Variants in MTX1 observed in about 807,000 individuals in gnomAD.
The protein encoded by MTX1 is metaxin-1.
A neutral mutation model predicts 39.4 loss-of-function variants in MTX1; 20 were observed. The ratio of observed to expected loss-of-function variants is 0.51; its 90% confidence interval spans 0.36 to 0.74. The LOEUF (loss-of-function observed/expected upper bound fraction) is 0.74. Ranked by LOEUF, MTX1 falls within the 30% of genes least tolerant of loss-of-function variation. The pLI, the probability that MTX1 is intolerant of heterozygous loss-of-function variation, is 0.00. For synonymous variants in MTX1, 209 were observed against 198.6 expected (o/e 1.05, Z -0.44); for missense variants, 481 against 485.9 (o/e 0.99, Z 0.10).
intron 1 of MTX1, among the ~76,000 whole-genome samples, 155 bp from the exon 2 acceptor site, chr1:155,210,191 A>G (rs1671060228): frequency 6.6e-6 from 1 of 152,238 alleles, no homozygotes; most frequent in Admixed American, 6.5e-5. Context: ...CCATTTGTAA[A>G]ATAGAAATGG....
Position 155,209,173 on chromosome 1 carries a change from G to A in MTX1, c.369G>A (p.Gly123=), listed in dbSNP as rs1468261460. 2 of 1,487,292 alleles carry A rather than the reference G, an allele frequency of 1.3e-6. No individual in the cohort carries two copies. Among genetic ancestry groups the A allele is most frequent in the Non-Finnish European group, 9.0e-7 (1 of 1,116,872 alleles). 92.1% of individuals were successfully genotyped at this position (1,487,292 alleles called of 1,614,324 possible). A position where few individuals can be genotyped will look rare whatever the true frequency, so the allele number is the denominator to read the frequency against. The change falls in exon 1 of 8, where the codon GGG becomes GGA. Residue 123 remains glycine, a synonymous_variant. Transcript: ENST00000368376. ...GCCCCCTGACCGCAACGATCGGAGG[G>A]GCGGTGGCGGGGGGCGGGCCCAGGC... ...SPGPLTATIG[G]AVAGGGPRQG... is the part of the protein sequence containing the mutation.
chr1:155,210,773 A>C, intron 3 of MTX1, 146 bp downstream of exon 3: 1 of 730,208 alleles, frequency 1.4e-6, no homozygotes, highest in South Asian at 1.6e-5. Flanking sequence ...GCAGAGACAC[A>C]CACAATGTCA....
chr1:155,208,726 C>A lies in MTX1; in HGVS notation c.-79C>A. 7.2e-7 allele frequency: 1 copy of A among 1,389,038 alleles called. No individual in the cohort carries two copies. The highest frequency in any genetic ancestry group is 9.4e-7 in the Non-Finnish European group (1 of 1,062,412). 86.0% of individuals were successfully genotyped at this position (1,389,038 alleles called of 1,614,324 possible). On this transcript the variant is annotated 5_prime_UTR_variant, in exon 1 of 8. Coordinates refer to ENST00000368376, the MANE Select transcript of MTX1 (RefSeq NM_002455.5). ...GCCCCAGCCCGGCCTCCGCTCCGGC[C>A]GCCGCCACCGCCCCTGTTTTGTTTC...
chr1:155,208,827 G>C lies in MTX1; in HGVS notation c.23G>C (p.Arg8Pro). The C allele has an allele frequency of 6.3e-7, 1 of 1,574,818 alleles. No homozygotes were observed. Among genetic ancestry groups the C allele is most frequent in the Non-Finnish European group, 8.6e-7 (1 of 1,157,834 alleles). The change falls in exon 1 of 8, where the codon CGC becomes CCC. Residue 8 changes from arginine to proline, a missense_variant. Physicochemically the swap from Arg to Pro is moderately radical, Grantham distance 103. Transcript: ENST00000368376. Reference protein sequence around the residue: MLLGGPPRSPRSGTSPKG... With the variant: MLLGGPPPSPRSGTSPKG... ...AACATGCTGCTCGGGGGACCCCCCC[G>C]CAGTCCCCGCTCGGGGACGAGCCCC...
rs1671065665 is a variant in MTX1 at position 155,210,246 on chromosome 1, G to C, written c.529-100G>C. 2.9e-6 allele frequency: 3 copies of C among 1,029,364 alleles called. No homozygotes were observed. The South Asian group carries it at 4.1e-5, about 14-fold the overall frequency. The allele number at this position is 1,029,364 out of a possible 1,614,324, so 63.8% of individuals were successfully genotyped here. The stretch of plus-strand genomic sequence containing the variant: ...TTCGAGACTAAGATACTAAGTATAG[G>C]GAATGGCACATAAGGTATTCAATAA... On this transcript the variant is annotated intron_variant, in intron 1 of 7. Transcript: ENST00000368376.
In MTX1 at chr1:155,212,595, T is replaced by C. The variant is rs773057219; in HGVS notation, c.954+28T>C. ...AGCTCTGAGACCGGGGGCTATTGTA[T>C]GAGATGAGCCCCAAGGATGCTGGCC... On this transcript the variant is annotated intron_variant, in intron 5 of 7. Transcript: ENST00000368376. 3 of 1,603,300 alleles carry C rather than the reference T, an allele frequency of 1.9e-6. No homozygotes were observed. In the East Asian group the frequency reaches 6.7e-5, roughly 36 times the overall value.
Sources: allele counts gnomAD v4.1 joint callset (sites outside exome capture counted in the v4.1 genomes callset), GRCh38; gene constraint gnomAD v4.1.1; transcripts MANE v1.5; gene names NCBI Gene and HGNC (gene_info 2026-07-23, HGNC 2026-07-21).